The following SLC60A2 variants were observed in gnomAD, a reference collection of about 807,000 sequenced individuals.
The protein encoded by SLC60A2 is solute carrier family 60 member 2, also known as major facilitator superfamily domain containing 4B.
the SLC60A2 span, among the ~76,000 whole-genome samples, chr6:111,277,214 G>A: frequency 6.6e-6 from 1 of 152,212 alleles, no homozygotes; most frequent in African/African-American, 2.4e-5. Flanking sequence ...ATACCTGAAT[G>A]GGATGAAAAT....
At chr6:111,265,845 T>G in the SLC60A2 span, 1 of 1,546,026 alleles carries the variant, frequency 6.5e-7, no homozygotes, top group Non-Finnish European at 8.7e-7. Context: ...ACTGTTTAAC[T>G]TAAATAATTT....
the SLC60A2 span, chr6:111,265,940 C>T: frequency 6.2e-6 from 10 of 1,614,014 alleles, no homozygotes; most frequent in Non-Finnish European, 8.5e-6. Context: ...AGGCCTTACA[C>T]TTCTCTTTTG....
chr6:111,260,611 T>C, the SLC60A2 span, among the ~76,000 whole-genome samples: 2 of 152,236 alleles, frequency 1.3e-5, no homozygotes, highest in Non-Finnish European at 2.9e-5. Context: ...GGAAACCTCC[T>C]CCTTATCACT....
At chr6:111,264,787 CAA>C in the SLC60A2 span, among the ~76,000 whole-genome samples, 346 of 121,000 alleles carry the variant, frequency 2.9e-3, 2 homozygotes, top group African/African-American at 7.0e-3. Flanking sequence ...GACTCCATCT[CAA>C]AAAAAAAAAA....
At chr6:111,262,329 C>CT in the SLC60A2 span, 1 of 1,614,076 alleles carries the variant, frequency 6.2e-7, no homozygotes, top group Non-Finnish European at 8.5e-7. Flanking sequence ...TATCAGTAGT[C>CT]TGTCTTTCAT....
chr6:111,277,794 C>T, the SLC60A2 span: 22 of 152,150 alleles, frequency 1.4e-4, no homozygotes, highest in African/African-American at 5.1e-4. Context: ...GTAGAAATTA[C>T]TCGGCACAGT....
At chr6:111,263,882 G>C in the SLC60A2 span, 26 of 1,612,374 alleles carry the variant, frequency 1.6e-5, no homozygotes, top group East Asian at 5.8e-4. Context: ...CTTTTTGCAA[G>C]ACAGCAATAT....
the SLC60A2 span, among the ~76,000 whole-genome samples, chr6:111,279,154 C>T: frequency 6.6e-6 from 1 of 152,168 alleles, no homozygotes; most frequent in Non-Finnish European, 1.5e-5. Context: ...GATCAGTGCA[C>T]AAAACTGGAT....
the SLC60A2 span, among the ~76,000 whole-genome samples, chr6:111,260,391 A>G: frequency 3.3e-5 from 5 of 152,238 alleles, no homozygotes; most frequent in Non-Finnish European, 5.9e-5. Flanking sequence ...TTAATTTTGC[A>G]GATAAGGAAA....
At chr6:111,265,178 C>A in the SLC60A2 span, 1 of 613,926 alleles carries the variant, frequency 1.6e-6, no homozygotes, top group Non-Finnish European at 2.0e-6. Context: ...GTTACGTGAT[C>A]TGTTGAGGAA....
the SLC60A2 span, among the ~76,000 whole-genome samples, chr6:111,277,732 T>A: frequency 1.3e-5 from 2 of 152,224 alleles, no homozygotes; most frequent in African/African-American, 4.8e-5. Flanking sequence ...TTTTGTTTGT[T>A]CATTTCTAGT....
the SLC60A2 span, among the ~76,000 whole-genome samples, chr6:111,273,754 C>T: frequency 6.6e-6 from 1 of 151,974 alleles, no homozygotes; most frequent in Non-Finnish European, 1.5e-5. Context: ...GAGACAGAGT[C>T]TCACTCTGTT....
At chr6:111,268,871 A>AATTGTGGC in the SLC60A2 span, 1 of 152,238 alleles carries the variant, frequency 6.6e-6, no homozygotes, top group Non-Finnish European at 1.5e-5. Flanking sequence ...CAAGGATCAG[A>AATTGTGGC]AAGGGTACTT....
chr6:111,265,809 G>A, the SLC60A2 span: 199 of 1,372,596 alleles, frequency 1.4e-4, 1 homozygote, highest in African/African-American at 2.5e-3. Flanking sequence ...TCTGATAAGT[G>A]AACTTTTTTT....
chr6:111,265,880 T>G, the SLC60A2 span: 1 of 1,597,106 alleles, frequency 6.3e-7, no homozygotes, highest in Non-Finnish European at 8.5e-7. Flanking sequence ...CGACAGGTGG[T>G]AACGTCCTTA....
chr6:111,268,344 C>G, the SLC60A2 span: 25 of 123,378 alleles, frequency 2.0e-4, no homozygotes, highest in Admixed American at 2.1e-3. Flanking sequence ...ATGTGTCTTA[C>G]AATCAGTGAT....
the SLC60A2 span, among the ~76,000 whole-genome samples, chr6:111,264,925 C>G: frequency 2.0e-5 from 3 of 151,952 alleles, no homozygotes; most frequent in African/African-American, 7.3e-5. Context: ...GAAACCGCGT[C>G]TCTACTAAAA....
chr6:111,270,685 C>T, the SLC60A2 span: 2 of 152,290 alleles, frequency 1.3e-5, no homozygotes, highest in East Asian at 3.9e-4. Context: ...ACTAAAAATA[C>T]AAAAAATTAG....
chr6:111,275,196 G>A, the SLC60A2 span, among the ~76,000 whole-genome samples: 8 of 151,488 alleles, frequency 5.3e-5, no homozygotes, highest in South Asian at 2.1e-4. Context: ...TGTAAGCCAC[G>A]ATACCCCACT....
Sources: gnomAD v4.1 joint callset for allele counts (sites outside exome capture counted in the v4.1 genomes callset) on GRCh38, gnomAD v4.1.1 for gene constraint, MANE v1.5 for transcripts, NCBI Gene and HGNC (gene_info 2026-07-23, HGNC 2026-07-21) for gene names.